Variants in ATP1B4 observed in about 807,000 individuals in gnomAD.
ATP1B4 encodes ATPase Na+/K+ transporting family member beta 4.
In ATP1B4, 32 loss-of-function variants were observed where a neutral mutation model predicts 29.6. The ratio of observed to expected loss-of-function variants is 1.08; its 90% CI spans 0.82 to 1.45. ATP1B4 has a LOEUF of 1.45. Ranked by LOEUF, ATP1B4 falls within the 40% of genes most tolerant of loss-of-function variation. The pLI is 0.00. For missense variants in ATP1B4, 323 were observed against 276.2 expected (o/e 1.17, Z -1.20); for synonymous variants, 127 against 102.1 (o/e 1.24, Z -1.47).
At position 120,363,733 on chromosome X, in the gene ATP1B4, C is replaced by A. The variant is rs144502605; in HGVS notation, c.63+1502C>A. On this transcript the variant is annotated intron_variant, in intron 1 of 7. Transcript: ENST00000218008. ...CTTCCCTTTCAGGGAAACCTGATGA[C>A]CCCATCACACACCCACTACCATATC... is the stretch of plus-strand genomic sequence containing the variant. Among the ~76,000 whole-genome samples the A allele has an allele frequency of 9.1e-3, 1,021 of 111,956 alleles. 11 individuals carry two copies. Among genetic ancestry groups the A allele is most frequent in the African/African-American group, 0.031 (947 of 30,824 alleles).
At chrX:120,366,838 G>T (rs1391418631) in intron 2 of ATP1B4, 49 bp downstream of exon 2, 4 of 1,181,624 alleles carry the variant, frequency 3.4e-6, no homozygotes, top group Non-Finnish European at 3.4e-6. Context: ...TTTGCTTTTG[G>T]TGTGGTGTTC....
intron 4 of ATP1B4, among the ~76,000 whole-genome samples, chrX:120,371,467 T>C (rs1161778827): frequency 8.9e-6 from 1 of 111,932 alleles, no homozygotes; most frequent in Non-Finnish European, 1.9e-5. Flanking sequence ...ATTTTTTTTC[T>C]TGAACACGTT....
chrX:120,371,209 G>A lies in ATP1B4; in HGVS notation c.561G>A (p.Gln187=), dbSNP rs1158850359. ...TGATTAGCCTAAATGGCTTTCTCCAGGGTAAGTAAGTTCGTCTGAATAGTG... is the reference window on the plus strand; with the variant it reads ...TGATTAGCCTAAATGGCTTTCTCCAAGGTAAGTAAGTTCGTCTGAATAGTG... ...HYVISLNGFL[Q]GYNDSLQEEM... Residue 187 remains glutamine, a splice_region_variant and synonymous_variant, in exon 4 of 8, where the codon CAG becomes CAA. Transcript: ENST00000218008. 1 of 1,192,605 alleles carries A rather than the reference G, an allele frequency of 8.4e-7. No individual in the cohort carries two copies. Among genetic ancestry groups the A allele is most frequent in the East Asian group, 3.0e-5 (1 of 33,770 alleles).
chrX:120,371,157 C>A lies in ATP1B4; in HGVS notation c.509C>A (p.Ser170Tyr). 1 of 1,211,359 alleles carries A rather than the reference C, an allele frequency of 8.3e-7. No homozygotes were observed. The highest frequency in any genetic ancestry group is 3.0e-5 in the East Asian group (1 of 33,839). Reference protein sequence around the residue: ...AHSLNFNFNVSEPDTWQHYVI... With the variant: ...AHSLNFNFNVYEPDTWQHYVI... ...AGCCTTAACTTCAACTTCAACGTTT[C>A]TGAACCCGACACTTGGCAGCATTAT... Residue 170 changes from serine to tyrosine, a missense_variant, in exon 4 of 8, where the codon TCT (serine) becomes TAT (tyrosine). By Grantham distance (144) the Ser-to-Tyr change is moderately radical. Transcript: ENST00000218008.
In ATP1B4 at chrX:120,362,303, G is replaced by A. The variant is rs892962784; in HGVS notation, c.63+72G>A. The A allele has an allele frequency of 7.6e-5, 75 of 981,640 alleles. No individual in the cohort carries two copies. The African/African-American group carries it at 1.4e-3, about 18-fold the overall frequency. 80.9% of individuals were successfully genotyped at this position (981,640 alleles called of 1,213,427 possible). Reference sequence around the variant, plus strand: ...TTTAATGGGGTGGGTTGGGGGCTGTGTAGACCTTGGTTTACGGCTGCCTCT... The same window carrying A: ...TTTAATGGGGTGGGTTGGGGGCTGTATAGACCTTGGTTTACGGCTGCCTCT... On this transcript the variant is annotated intron_variant, in intron 1 of 7. Transcript: ENST00000218008.
intron 1 of ATP1B4, among the ~76,000 whole-genome samples, chrX:120,365,715 T>C (rs1296556105): frequency 8.9e-6 from 1 of 112,674 alleles, no homozygotes. Context: ...TCTCTCTTTT[T>C]CAGTTTAATT....
chrX:120,375,347 C>G (rs777859184), intron 4 of ATP1B4, 25 bp from the exon 5 acceptor site: 10 of 1,182,737 alleles, frequency 8.5e-6, no homozygotes, highest in South Asian at 1.9e-5. Flanking sequence ...CTAACATAAC[C>G]TGTTGCCACT....
chrX:120,379,681 A>C lies in ATP1B4; in HGVS notation c.*47A>C. 5.1e-4 allele frequency: 575 copies of C among 1,123,340 alleles called. No individual in the cohort carries two copies. Among genetic ancestry groups the C allele is most frequent in the Non-Finnish European group, 6.3e-4 (530 of 837,384 alleles). 92.6% of individuals were successfully genotyped at this position (1,123,340 alleles called of 1,213,427 possible). ...ACCAGTTCTGTTTCTGTTTTATCTC[A>C]TGGTATCTCTGGTAGCACCTGAATT... is the stretch of plus-strand genomic sequence containing the variant. On this transcript the variant is annotated 3_prime_UTR_variant, in exon 8 of 8. Coordinates refer to ENST00000218008, the MANE Select transcript of ATP1B4 (RefSeq NM_001142447.3).
chrX:120,366,330 C>G (rs937777910), intron 1 of ATP1B4, among the ~76,000 whole-genome samples, 195 bp from the exon 2 acceptor site: 9 of 111,498 alleles, frequency 8.1e-5, no homozygotes, highest in Non-Finnish European at 1.7e-4. Context: ...CAAAATGGGT[C>G]ATAGAAAGGA....
chrX:120,367,635 A>G (rs1428642114), intron 2 of ATP1B4, among the ~76,000 whole-genome samples: 2 of 111,336 alleles, frequency 1.8e-5, no homozygotes, highest in Non-Finnish European at 3.8e-5. Context: ...AAATCAGTCA[A>G]TCCACAGAAG....
chrX:120,362,659 A>G (rs2058268046), intron 1 of ATP1B4, among the ~76,000 whole-genome samples: 1 of 111,799 alleles, frequency 8.9e-6, no homozygotes, highest in Admixed American at 9.5e-5. Context: ...CTTAGAGTCC[A>G]GCTGCTCTCT....
At chrX:120,370,946 C>G in intron 3 of ATP1B4, 103 bp downstream of exon 3, 1 of 1,074,226 alleles carries the variant, frequency 9.3e-7, no homozygotes, top group Non-Finnish European at 1.3e-6. Flanking sequence ...CTGGTAATGA[C>G]TTAGAGATTC....
Position 120,383,170 on chromosome X carries a change from A to G in ATP1B4, c.*3536A>G, listed in dbSNP as rs1005002309. ...TTAGGCACCTATTTTCTGGGGATCA[A>G]CATGTAAAAAAACATTTATATTGTC... is the stretch of plus-strand genomic sequence containing the variant. On this transcript the variant is annotated 3_prime_UTR_variant, in exon 8 of 8. Coordinates refer to ENST00000218008, the MANE Select transcript of ATP1B4 (RefSeq NM_001142447.3). 2 of 112,219 alleles carry G rather than the reference A, an allele frequency of 1.8e-5. No individual in the cohort carries two copies. Among genetic ancestry groups the G allele is most frequent in the African/African-American group, 6.5e-5 (2 of 30,932 alleles). 9.2% of individuals were successfully genotyped at this position (112,219 alleles called of 1,213,427 possible).
At chrX:120,372,870 T>C (rs978805898) in intron 4 of ATP1B4, among the ~76,000 whole-genome samples, 2 of 112,224 alleles carry the variant, frequency 1.8e-5, no homozygotes, top group Non-Finnish European at 3.8e-5. Flanking sequence ...TCTGAGTCCA[T>C]GTAGTTCTAT....
At chrX:120,378,219 A>G (rs1219709027) in intron 6 of ATP1B4, among the ~76,000 whole-genome samples, 1 of 111,764 alleles carries the variant, frequency 8.9e-6, no homozygotes, top group African/African-American at 3.3e-5. Flanking sequence ...TGCAGTGTGC[A>G]AATCGTGGAG....
chrX:120,372,433 T>A (rs2058318295), intron 4 of ATP1B4, among the ~76,000 whole-genome samples: 1 of 112,130 alleles, frequency 8.9e-6, no homozygotes, highest in Admixed American at 9.5e-5. Context: ...CTCTGCATAA[T>A]AAAGTTGATC....
intron 4 of ATP1B4, among the ~76,000 whole-genome samples, chrX:120,374,387 C>G (rs1177640501): frequency 9.6e-6 from 1 of 104,524 alleles, no homozygotes; most frequent in Non-Finnish European, 1.9e-5. Flanking sequence ...TGTAACTGCC[C>G]AATGGGTTCA....
In ATP1B4 at chrX:120,379,591, G is replaced by A. The variant is rs369656353; in HGVS notation, c.1031G>A (p.Arg344His). The change falls in exon 8 of 8, where the codon CGT (arginine) becomes CAT (histidine). Residue 344 changes from arginine to histidine, a missense_variant. Coordinates refer to ENST00000218008, the MANE Select transcript of ATP1B4 (RefSeq NM_001142447.3). Reference sequence around the variant, plus strand: ...GTCATAAATGATGTCATCAATGATCGTTTTGTGGGCAGGGTAATCTTTACC... The same window carrying A: ...GTCATAAATGATGTCATCAATGATCATTTTGTGGGCAGGGTAATCTTTACC... ...KGVINDVINDRFVGRVIFTLN... is the reference protein window; with the variant it reads ...KGVINDVINDHFVGRVIFTLN... The A allele has an allele frequency of 9.9e-6, 12 of 1,209,019 alleles. No individual in the cohort carries two copies. In the African/African-American group the frequency reaches 1.4e-4, roughly 14 times the overall value.
chrX:120,379,534 T>C lies in ATP1B4; in HGVS notation c.974T>C (p.Val325Ala). Residue 325 changes from valine (V) to alanine (A), a missense_variant, in exon 8 of 8, where the codon GTG (valine) becomes GCG (alanine). Val to Ala is a moderately conservative substitution (Grantham distance 64). Transcript: ENST00000218008. Reference sequence around the variant, plus strand: ...ACAGACGTGGTGAAGAACCAAGCAGTGCCTGTGCAGTGCCAACTGAAGGGC... The same window carrying C: ...ACAGACGTGGTGAAGAACCAAGCAGCGCCTGTGCAGTGCCAACTGAAGGGC... ...HFTDVVKNQA[V>A]PVQCQLKGKG... 8.3e-7 allele frequency: 1 copy of C among 1,211,047 alleles called. No individual in the cohort carries two copies. Among genetic ancestry groups the C allele is most frequent in the Non-Finnish European group, 1.1e-6 (1 of 894,842 alleles).
Sources: allele counts gnomAD v4.1 joint callset (sites outside exome capture counted in the v4.1 genomes callset), GRCh38; gene constraint gnomAD v4.1.1; transcripts MANE v1.5; gene names NCBI Gene and HGNC (gene_info 2026-07-23, HGNC 2026-07-21).